PDE4D: variants seen among roughly 807,000 people sequenced by gnomAD.
PDE4D encodes the protein 3',5'-cyclic-AMP phosphodiesterase 4D.
In PDE4D, 24 loss-of-function variants were observed where a neutral mutation model predicts 87.4. The observed-to-expected ratio is 0.27, with a 90% CI of 0.20 to 0.39. PDE4D has a LOEUF of 0.39. Among genes scored for constraint, PDE4D ranks in the 10% least tolerant of loss-of-function variants. The pLI is 1.00. For missense variants in PDE4D, 714 were observed against 1,041.0 expected (o/e 0.69, Z 4.32); for synonymous variants, 384 against 383.2 (o/e 1.00, Z -0.02).
chr5:60,034,506 C>T (rs1047554858), intron 2 of PDE4D, among the ~76,000 whole-genome samples: 2 of 152,164 alleles, frequency 1.3e-5, no homozygotes, highest in African/African-American at 2.4e-5. Flanking sequence ...CTTCCTGCCT[C>T]TCTCTTAAAA....
At chr5:59,238,861 T>A (rs1757053092) in intron 1 of PDE4D, among the ~76,000 whole-genome samples, 1 of 152,214 alleles carries the variant, frequency 6.6e-6, no homozygotes, top group Admixed American at 6.6e-5. Flanking sequence ...AAGGTACTTT[T>A]GACTTTAAGA....
intron 3 of PDE4D, among the ~76,000 whole-genome samples, chr5:59,903,173 A>C (rs1359347948): frequency 6.6e-6 from 1 of 152,156 alleles, no homozygotes; most frequent in Admixed American, 6.6e-5. Flanking sequence ...TATTTCTCAA[A>C]TATCTGACTT....
At chr5:60,468,423 G>A (rs1747558034) in intron 1 of PDE4D, among the ~76,000 whole-genome samples, 1 of 152,038 alleles carries the variant, frequency 6.6e-6, no homozygotes, top group Admixed American at 6.6e-5. Context: ...ACAGGCATGA[G>A]CCACCATGCC....
rs142445447 is a variant in PDE4D at position 60,081,227 on chromosome 5, A to G, written c.43-92510T>C. Among the ~76,000 whole-genome samples, 1,164 of 151,172 alleles carry G rather than the reference A, an allele frequency of 7.7e-3. 12 individuals are homozygous for G. Among genetic ancestry groups the G allele is most frequent in the African/African-American group, 0.027 (1,108 of 41,234 alleles). The stretch of plus-strand genomic sequence containing the variant: ...ATTTCTGTGGGATTAGTGATGATAT[A>G]TATCCCTTTTATCATTTTTTATTGC... On this transcript the variant is annotated intron_variant, in intron 2 of 16. Coordinates refer to the PDE4D transcript ENST00000502484.
chr5:60,054,153 T>C (rs911376477), intron 2 of PDE4D, among the ~76,000 whole-genome samples: 2 of 151,990 alleles, frequency 1.3e-5, no homozygotes, highest in Non-Finnish European at 2.9e-5. Flanking sequence ...TAGAACCAGA[T>C]ACACCATTTG....
intron 1 of PDE4D, among the ~76,000 whole-genome samples, chr5:59,391,148 T>G (rs966172488): frequency 1.3e-5 from 2 of 152,168 alleles, no homozygotes; most frequent in African/African-American, 4.8e-5. Context: ...CTTCTCTGTC[T>G]TGATTCTCAA....
intron 5 of PDE4D, among the ~76,000 whole-genome samples, chr5:59,081,012 T>C (rs1429981360): frequency 6.6e-6 from 1 of 152,184 alleles, no homozygotes; most frequent in Non-Finnish European, 1.5e-5. Flanking sequence ...TAATCAAACA[T>C]GAATAGATTA....
chr5:59,968,976 C>A, intron 3 of PDE4D, among the ~76,000 whole-genome samples: 1 of 146,014 alleles, frequency 6.8e-6, no homozygotes. Context: ...CTGTGTTCAT[C>A]AAGGAAGAAA....
chr5:59,587,391 T>C, intron 1 of PDE4D: 3 of 926,440 alleles, frequency 3.2e-6, no homozygotes, highest in Non-Finnish European at 3.9e-6. Context: ...TTCCAATAGG[T>C]GTCATTTATT....
At chr5:59,969,741 C>G (rs1316272280) in intron 3 of PDE4D, among the ~76,000 whole-genome samples, 1 of 152,104 alleles carries the variant, frequency 6.6e-6, no homozygotes, top group African/African-American at 2.4e-5. Flanking sequence ...GAGGCTTTTC[C>G]CCACTTTGCT....
In PDE4D at chr5:60,370,846, G is replaced by T. The variant is rs189241619; in HGVS notation, c.-90+117096C>A. Among the ~76,000 whole-genome samples, 319 of 151,838 alleles carry T rather than the reference G, an allele frequency of 2.1e-3. 3 individuals carry two copies. The highest frequency in any genetic ancestry group is 7.5e-3 in the African/African-American group (311 of 41,388). The stretch of plus-strand genomic sequence containing the variant: ...GAGAAAATGAGAGAGAGAGAGGGAA[G>T]GAGAGAGAAACTGAGAGAGAGAAGG... On this transcript the variant is annotated intron_variant, in intron 1 of 16. Coordinates refer to the PDE4D transcript ENST00000502484.
intron 1 of PDE4D, among the ~76,000 whole-genome samples, chr5:59,513,340 A>G (rs1810577275): frequency 6.6e-6 from 1 of 152,354 alleles, no homozygotes; most frequent in African/African-American, 2.4e-5. Flanking sequence ...CAAGAATGAT[A>G]TTGACAAAAA....
At chr5:60,473,117 GAGAAAGAA>G (rs757519945) in intron 1 of PDE4D, among the ~76,000 whole-genome samples, 7 of 81,020 alleles carry the variant, frequency 8.6e-5, no homozygotes, top group African/African-American at 4.7e-4. Flanking sequence ...AAGAGAGAGA[GAGAAAGAA>G]AGGAAGGAAG....
At chr5:59,392,519 A>ATATATATATATC (rs1485809817) in intron 1 of PDE4D, among the ~76,000 whole-genome samples, 2 of 149,332 alleles carry the variant, frequency 1.3e-5, no homozygotes, top group Non-Finnish European at 3.0e-5. Context: ...ATATATATAT[A>ATATATATATATC]TATATTCCAT....
intron 1 of PDE4D, among the ~76,000 whole-genome samples, chr5:59,854,969 T>C (rs949375507): frequency 6.6e-6 from 1 of 152,042 alleles, no homozygotes; most frequent in Non-Finnish European, 1.5e-5. Flanking sequence ...GTTTCAAAGA[T>C]GAGAAAGGAG....
intron 2 of PDE4D, among the ~76,000 whole-genome samples, chr5:60,035,124 C>T (rs754112678): frequency 9.9e-5 from 15 of 151,996 alleles, no homozygotes; most frequent in Middle Eastern, 3.2e-3. Context: ...GGCATGGTGA[C>T]GTATGCCTGT....
chr5:60,108,763 G>A (rs563742459), intron 2 of PDE4D, among the ~76,000 whole-genome samples: 132 of 152,256 alleles, frequency 8.7e-4, no homozygotes, highest in Middle Eastern at 3.4e-3. Flanking sequence ...ATGGGGAAAC[G>A]ATTCCCTATT....
At chr5:59,807,363 G>T (rs1767856677) in intron 1 of PDE4D, among the ~76,000 whole-genome samples, 1 of 152,140 alleles carries the variant, frequency 6.6e-6, no homozygotes. Flanking sequence ...GGGCCTGTGG[G>T]GTCCCATTTC....
At chr5:60,214,766 C>T (rs1473862211) in intron 1 of PDE4D, among the ~76,000 whole-genome samples, 2 of 152,094 alleles carry the variant, frequency 1.3e-5, no homozygotes, top group Non-Finnish European at 2.9e-5. Context: ...AAATACCATA[C>T]TCCAAACAGG....
Sources: allele counts gnomAD v4.1 joint callset (sites outside exome capture counted in the v4.1 genomes callset), GRCh38; gene constraint gnomAD v4.1.1; transcripts MANE v1.5; gene names NCBI Gene and HGNC (gene_info 2026-07-23, HGNC 2026-07-21).